Variants in ROBO2 observed in about 807,000 individuals in gnomAD.
ROBO2 encodes roundabout guidance receptor 2.
In ROBO2, 53 loss-of-function variants were observed where a neutral mutation model predicts 160.8. That is an observed-to-expected ratio of 0.33 (90% CI 0.26 to 0.41). ROBO2 has a LOEUF of 0.41. Ranked by LOEUF, ROBO2 falls within the 10% of genes least tolerant of loss-of-function variation. ROBO2 has a pLI of 1.00. For missense variants in ROBO2, 1,577 were observed against 1,722.4 expected (o/e 0.92, Z 1.49); for synonymous variants, 664 against 611.7 (o/e 1.09, Z -1.26).
At chr3:76,971,055 A>G (rs1196153721) in intron 2 of ROBO2, among the ~76,000 whole-genome samples, 1 of 152,202 alleles carries the variant, frequency 6.6e-6, no homozygotes, top group Non-Finnish European at 1.5e-5. Flanking sequence ...TTTTCCCATT[A>G]CACTATGAAG....
At position 77,392,532 on chromosome 3, in the gene ROBO2, G is replaced by A. The variant is rs1195058677; in HGVS notation, c.389-84882G>A. ...TTTAACATAACCTCGTTCTTGTGTG[G>A]CCCAATTTAAAATTATATATTGTGG... On this transcript the variant is annotated intron_variant, in intron 2 of 25. Coordinates refer to ENST00000461745, the Ensembl canonical transcript of ROBO2. Among the ~76,000 whole-genome samples, 4 of 152,104 alleles carry A rather than the reference G, an allele frequency of 2.6e-5. No homozygotes were observed. The East Asian group carries it at 7.7e-4, about 29-fold the overall frequency.
intron 2 of ROBO2, among the ~76,000 whole-genome samples, chr3:76,034,363 G>A (rs2067030348): frequency 6.6e-6 from 1 of 152,128 alleles, no homozygotes; most frequent in Non-Finnish European, 1.5e-5. Flanking sequence ...GGTTAATTCA[G>A]AAGGACTAAA....
intron 23 of ROBO2, among the ~76,000 whole-genome samples, chr3:77,625,347 C>CA (rs1285554115): frequency 6.6e-6 from 1 of 151,658 alleles, no homozygotes; most frequent in African/African-American, 2.4e-5. Flanking sequence ...AACACATATA[C>CA]AACCTTTACG....
At chr3:76,671,461 C>T (rs1381812674) in intron 2 of ROBO2, among the ~76,000 whole-genome samples, 7 of 152,196 alleles carry the variant, frequency 4.6e-5, no homozygotes, top group South Asian at 2.1e-4. Flanking sequence ...TTAACATTTA[C>T]GTTGTCATTT....
At chr3:77,379,094 C>A (rs1240749505) in intron 2 of ROBO2, among the ~76,000 whole-genome samples, 1 of 151,984 alleles carries the variant, frequency 6.6e-6, no homozygotes, top group East Asian at 1.9e-4. Flanking sequence ...ATTACAGGCA[C>A]ATGCCACCAC....
intron 2 of ROBO2, among the ~76,000 whole-genome samples, chr3:76,038,081 G>C (rs2067172299): frequency 6.6e-6 from 1 of 151,984 alleles, no homozygotes; most frequent in South Asian, 2.1e-4. Flanking sequence ...TATTTTTAGA[G>C]AAATCATTCT....
At chr3:76,985,670 A>G (rs1229260720) in intron 2 of ROBO2, among the ~76,000 whole-genome samples, 1 of 151,674 alleles carries the variant, frequency 6.6e-6, no homozygotes, top group African/African-American at 2.4e-5. Context: ...GACATAATCA[A>G]TTTGAACATT....
chr3:76,818,100 A>G (rs1164085268), intron 2 of ROBO2, among the ~76,000 whole-genome samples: 1 of 152,046 alleles, frequency 6.6e-6, no homozygotes, highest in Admixed American at 6.6e-5. Context: ...TGGTTGTGCT[A>G]GTTTACATTT....
chr3:76,545,848 CTTAG>C (rs1383298803), intron 2 of ROBO2, among the ~76,000 whole-genome samples: 5 of 151,702 alleles, frequency 3.3e-5, no homozygotes, highest in African/African-American at 9.7e-5. Flanking sequence ...TGCACATATA[CTTAG>C]TTATTTTCCA....
chr3:76,123,692 T>A (rs2070845674), intron 2 of ROBO2, among the ~76,000 whole-genome samples: 1 of 152,172 alleles, frequency 6.6e-6, no homozygotes, highest in Non-Finnish European at 1.5e-5. Context: ...AGAGTTTTCT[T>A]CTCTTGTGCC....
chr3:76,613,968 A>G (rs1460886290), intron 2 of ROBO2, among the ~76,000 whole-genome samples: 3 of 151,804 alleles, frequency 2.0e-5, no homozygotes, highest in Non-Finnish European at 1.5e-5. Flanking sequence ...TCATGGGTGT[A>G]TGCATGCATG....
chr3:77,189,360 C>G (rs922363559), intron 2 of ROBO2, among the ~76,000 whole-genome samples: 1 of 151,788 alleles, frequency 6.6e-6, no homozygotes, highest in African/African-American at 2.4e-5. Context: ...TTGTAACACT[C>G]CCTCTTAGAA....
At chr3:77,465,136 A>G (rs1458497047) in intron 2 of ROBO2, among the ~76,000 whole-genome samples, 2 of 152,136 alleles carry the variant, frequency 1.3e-5, no homozygotes, top group African/African-American at 4.8e-5. Context: ...ATTTGTAGAC[A>G]GTTTTTAGAG....
intron 2 of ROBO2, among the ~76,000 whole-genome samples, chr3:76,275,584 T>C (rs1707872041): frequency 6.6e-6 from 1 of 152,202 alleles, no homozygotes; most frequent in South Asian, 2.1e-4. Flanking sequence ...TCGAAGGTTC[T>C]ATGATTCTCA....
chr3:76,609,218 T>C (rs2087890085), intron 2 of ROBO2, among the ~76,000 whole-genome samples: 1 of 152,210 alleles, frequency 6.6e-6, no homozygotes, highest in Non-Finnish European at 1.5e-5. Context: ...CATTTGTCTA[T>C]ATGTCTGTTT....
At chr3:77,230,521 A>G (rs966572595) in intron 2 of ROBO2, among the ~76,000 whole-genome samples, 4 of 152,236 alleles carry the variant, frequency 2.6e-5, no homozygotes, top group Non-Finnish European at 4.4e-5. Flanking sequence ...TGGGAAAAAC[A>G]ATTAATTCCT....
At chr3:77,629,739 ATAGT>A (rs2095117593) in intron 23 of ROBO2, 1 of 152,186 alleles carries the variant, frequency 6.6e-6, no homozygotes, top group Admixed American at 6.5e-5. Flanking sequence ...AATTCTTTCT[ATAGT>A]TAAAATAAGG....
At chr3:76,073,649 A>T (rs1350769989) in intron 2 of ROBO2, among the ~76,000 whole-genome samples, 5 of 152,112 alleles carry the variant, frequency 3.3e-5, no homozygotes, top group African/African-American at 1.2e-4. Context: ...TAAGGAAGAC[A>T]GTTACATAAA....
chr3:75,953,682 A>C (rs1443950055), intron 2 of ROBO2, among the ~76,000 whole-genome samples: 1 of 151,928 alleles, frequency 6.6e-6, no homozygotes, highest in Non-Finnish European at 1.5e-5. Flanking sequence ...CCTTTCAAAC[A>C]GTCATAAAGT....
Sources: allele counts gnomAD v4.1 joint callset (sites outside exome capture counted in the v4.1 genomes callset), GRCh38; gene constraint gnomAD v4.1.1; transcripts MANE v1.5; gene names NCBI Gene and HGNC (gene_info 2026-07-23, HGNC 2026-07-21).